TESPA1: variants seen among roughly 807,000 people sequenced by gnomAD.
The protein encoded by TESPA1 is thymocyte expressed, positive selection associated 1.
TESPA1 carries 33 observed loss-of-function variants against 57.9 expected under a neutral mutation model. The ratio of observed to expected loss-of-function variants is 0.57; its 90% confidence interval spans 0.43 to 0.76. The LOEUF (loss-of-function observed/expected upper bound fraction) is 0.76, where lower values mean the gene tolerates loss of function less well. TESPA1 is among the 30% of genes least tolerant of loss of function. The pLI, the probability that TESPA1 is intolerant of heterozygous loss-of-function variation, is 0.00. For synonymous variants in TESPA1, 227 were observed against 228.9 expected (o/e 0.99, Z 0.07); for missense variants, 618 against 632.9 (o/e 0.98, Z 0.25).
chr12:54,964,056 G>T, intron 7 of TESPA1, 106 bp from the exon 8 acceptor site: 5 of 1,185,812 alleles, frequency 4.2e-6, no homozygotes, highest in Non-Finnish European at 6.0e-6. Flanking sequence ...ATTCTTTTCT[G>T]TCCATTTCTC....
chr12:54,967,167 G>A lies in TESPA1; in HGVS notation c.310+16C>T, dbSNP rs752492141. The A allele has an allele frequency of 3.7e-6, 6 of 1,612,726 alleles. No homozygotes were observed. The East Asian group carries it at 1.3e-4, about 36-fold the overall frequency. ...CCTGTTTTCTCATCCCAACCTCAGA[G>A]AACTGTGCCACTTACCCTCCGCTCC... On this transcript the variant is annotated intron_variant, in intron 5 of 10. Transcript: ENST00000449076.
In TESPA1 at chr12:54,979,860, G is replaced by A. The variant is rs374233862; in HGVS notation, c.-46+4725C>T. On this transcript the variant is annotated intron_variant, in intron 1 of 10. Transcript: ENST00000449076. ...GTGGGGATTCACTACACATTGACAC[G>A]GGCAAGTCAAAGGTAGGTAGTCATA... is the stretch of plus-strand genomic sequence containing the variant. Among the ~76,000 whole-genome samples the A allele has an allele frequency of 9.9e-5, 15 of 152,230 alleles. No individual in the cohort carries two copies. In the East Asian group the frequency reaches 2.9e-3, roughly 29 times the overall value.
intron 10 of TESPA1, among the ~76,000 whole-genome samples, chr12:54,957,910 A>G (rs1950833304): frequency 6.6e-6 from 1 of 152,204 alleles, no homozygotes; most frequent in African/African-American, 2.4e-5. Flanking sequence ...ACCTAATTTC[A>G]GAGATGTTAA....
In TESPA1 at chr12:54,956,468, A is replaced by T. The variant is rs186776992; in HGVS notation, c.*1+4700T>A. Among the ~76,000 whole-genome samples the T allele has an allele frequency of 3.3e-5, 5 of 152,332 alleles. No individual in the cohort carries two copies. In the East Asian group the frequency reaches 9.6e-4, roughly 29 times the overall value. On this transcript the variant is annotated intron_variant, in intron 10 of 10. Coordinates refer to ENST00000449076, the MANE Select transcript of TESPA1 (RefSeq NM_001136030.3). ...AGTGTGATAAAGGTCAAGTGGTTTA[A>T]ATGTCAACACAGGAAACCAATAGAA...
intron 10 of TESPA1, among the ~76,000 whole-genome samples, chr12:54,960,717 A>G (rs1951019179): frequency 1.3e-5 from 2 of 152,214 alleles, no homozygotes; most frequent in Admixed American, 1.3e-4. Flanking sequence ...ACAAAATCCC[A>G]GGGGATGCTG....
At position 54,950,375 on chromosome 12, in the gene TESPA1, TG is replaced by T; in HGVS notation, c.*16del. 2.2e-6 allele frequency: 1 copy of T among 456,368 alleles called. No individual in the cohort carries two copies. The highest frequency in any genetic ancestry group is 1.6e-5 in the South Asian group (1 of 64,420). The allele number at this position is 456,368 out of a possible 1,614,324, so 28.3% of individuals were successfully genotyped here. On this transcript the variant is annotated 3_prime_UTR_variant, in exon 11 of 11. Coordinates refer to ENST00000449076, the MANE Select transcript of TESPA1 (RefSeq NM_001136030.3). Reference sequence around the variant, plus strand: ...AATTCTGTCAGACCACATGCTGTTGTGGTGGTGGAGAAAGCCTGCAATGGGA... The same window carrying T: ...AATTCTGTCAGACCACATGCTGTTGTGTGGTGGAGAAAGCCTGCAATGGGA...
chr12:54,966,490 CT>C, intron 5 of TESPA1, 66 bp from the exon 6 acceptor site: 1 of 1,568,604 alleles, frequency 6.4e-7, no homozygotes, highest in Non-Finnish European at 8.7e-7. Context: ...TGTGTTGCCC[CT>C]CTGAACCTAA....
chr12:54,962,525 G>A lies in TESPA1; in HGVS notation c.1373C>T (p.Ser458Phe). The change falls in exon 9 of 11, where the codon TCC (serine) becomes TTC (phenylalanine). Residue 458 changes from serine to phenylalanine, a missense_variant. Around this residue, in one of 3 missense-constraint regions of TESPA1, gnomAD observed 409 missense variants for 420.1 expected, o/e 0.97. Coordinates refer to ENST00000449076, the MANE Select transcript of TESPA1 (RefSeq NM_001136030.3). Reference sequence around the variant, plus strand: ...CTGCTTCCATTTCTGCTGGGTGATGGACAGGTCCAAGGACTTAACCTTCCT... The same window carrying A: ...CTGCTTCCATTTCTGCTGGGTGATGAACAGGTCCAAGGACTTAACCTTCCT... ...MGRKVKSLDL[S>F]ITQQKWKQSV... 6.2e-7 allele frequency: 1 copy of A among 1,613,692 alleles called. No individual in the cohort carries two copies. The highest frequency in any genetic ancestry group is 8.5e-7 in the Non-Finnish European group (1 of 1,179,896).
At chr12:54,961,134 A>G in intron 10 of TESPA1, 34 bp downstream of exon 10, 1 of 1,610,806 alleles carries the variant, frequency 6.2e-7, no homozygotes, top group East Asian at 2.2e-5. Context: ...ATGTGCAGCC[A>G]GGTTTGAGAA....
In TESPA1 at chr12:54,968,099, A is replaced by C. The variant is rs78809714; in HGVS notation, c.207-207T>G. The C allele has an allele frequency of 2.2e-3, 2,817 of 1,277,772 alleles. 49 individuals carry two copies. In the African/African-American group the frequency reaches 0.038, roughly 17 times the overall value. 79.2% of individuals were successfully genotyped at this position (1,277,772 alleles called of 1,614,324 possible). A position where few individuals can be genotyped will look rare whatever the true frequency, so the allele number is the denominator to read the frequency against. ...GTTGGGGAAACTGGGGCTGGAATGCACTATATTTTAGATTGTGCTTCTGTT... is the reference window on the plus strand; with the variant it reads ...GTTGGGGAAACTGGGGCTGGAATGCCCTATATTTTAGATTGTGCTTCTGTT... On this transcript the variant is annotated intron_variant, in intron 3 of 10. Coordinates refer to ENST00000449076, the MANE Select transcript of TESPA1 (RefSeq NM_001136030.3).
intron 10 of TESPA1, among the ~76,000 whole-genome samples, chr12:54,959,368 A>G (rs1032446473): frequency 6.6e-6 from 1 of 152,202 alleles, no homozygotes; most frequent in African/African-American, 2.4e-5. Context: ...CTTTGTTAAG[A>G]GGAATAGAAT....
intron 3 of TESPA1, among the ~76,000 whole-genome samples, chr12:54,972,676 G>GCAATGT (rs1446614850): frequency 2.6e-5 from 4 of 152,094 alleles, no homozygotes; most frequent in Non-Finnish European, 4.4e-5. Flanking sequence ...TGCCTTCTTG[G>GCAATGT]GTACAGGTGA....
chr12:54,974,376 G>A lies in TESPA1; in HGVS notation c.163+24C>T, dbSNP rs564872199. The A allele has an allele frequency of 6.1e-5, 95 of 1,562,772 alleles. 1 individual carries two copies. The East Asian group carries it at 1.7e-3, about 28-fold the overall frequency. The stretch of plus-strand genomic sequence containing the variant: ...CCTTTTGCCGCCAGACAACATAGAC[G>A]CCTGTCTGATGTTCGTCTCTTACCT... On this transcript the variant is annotated intron_variant, in intron 2 of 10. Transcript: ENST00000449076.
At chr12:54,951,640 G>T (rs1040911873) in intron 10 of TESPA1, among the ~76,000 whole-genome samples, 3 of 151,978 alleles carry the variant, frequency 2.0e-5, no homozygotes, top group African/African-American at 2.4e-5. Context: ...TCTTATCAAG[G>T]TTAGTAATTG....
intron 1 of TESPA1, among the ~76,000 whole-genome samples, chr12:54,977,104 T>A (rs985613181): frequency 5.9e-5 from 9 of 151,998 alleles, no homozygotes; most frequent in African/African-American, 2.2e-4. Context: ...CTAACATACC[T>A]TACATTTTAT....
intron 10 of TESPA1, among the ~76,000 whole-genome samples, chr12:54,954,823 T>C (rs762421851): frequency 6.6e-6 from 1 of 152,244 alleles, no homozygotes; most frequent in Non-Finnish European, 1.5e-5. Flanking sequence ...ATTTTCTTTA[T>C]CTATTCATCC....
At chr12:54,957,102 A>G (rs973234360) in intron 10 of TESPA1, among the ~76,000 whole-genome samples, 2 of 152,156 alleles carry the variant, frequency 1.3e-5, no homozygotes, top group Non-Finnish European at 2.9e-5. Flanking sequence ...CACTCACCCT[A>G]TGTGAATGAA....
chr12:54,960,175 A>C (rs1264983473), intron 10 of TESPA1, among the ~76,000 whole-genome samples: 1 of 152,212 alleles, frequency 6.6e-6, no homozygotes, highest in Non-Finnish European at 1.5e-5. Flanking sequence ...AATTTATACT[A>C]TCTGGGGAAA....
intron 10 of TESPA1, among the ~76,000 whole-genome samples, chr12:54,955,331 T>G (rs34651384): frequency 0.21 from 31,216 of 152,156 alleles, 5,452 homozygotes; most frequent in East Asian, 0.84. Flanking sequence ...AAGGTTGACA[T>G]CCATCCCTTT....
Sources: gnomAD v4.1 joint callset for allele counts (sites outside exome capture counted in the v4.1 genomes callset) on GRCh38, gnomAD v4.1.1 for gene constraint, gnomAD v4.1.1 regional missense constraint, MANE v1.5 for transcripts, NCBI Gene and HGNC (gene_info 2026-07-23, HGNC 2026-07-21) for gene names.